Variants in MYO15B observed in about 807,000 individuals in gnomAD.
MYO15B encodes myosin XVB pseudogene.
In MYO15B, 207 loss-of-function variants were observed where a neutral mutation model predicts 119.3. The ratio of observed to expected loss-of-function variants is 1.73; its 90% CI spans 1.55 to 1.95. The LOEUF (loss-of-function observed/expected upper bound fraction) is 1.95. Ranked by LOEUF, MYO15B falls within the 30% of genes most tolerant of loss-of-function variation. The pLI is 0.00. For missense variants in MYO15B, 2,264 were observed against 1,203.1 expected, an observed-to-expected ratio of 1.88 and a Z score of -13.04; for synonymous variants, 966 against 498.9, an observed-to-expected ratio of 1.94 and a Z score of -12.48.
In MYO15B at chr17:75,589,688, C is replaced by T; in HGVS notation, c.1631C>T (p.Ala544Val). The T allele has an allele frequency of 5.0e-6, 2 of 398,808 alleles. No individual in the cohort carries two copies. The highest frequency in any genetic ancestry group is 8.8e-6 in the Non-Finnish European group (2 of 226,020). The allele number at this position is 398,808 out of a possible 1,614,324, so 24.7% of individuals were successfully genotyped here. The stretch of plus-strand genomic sequence containing the variant: ...GACGAGACTCCAGATCCCAAGTTCG[C>T]GGTCGTGTTCCCCAGGATCCACAGG... The change falls in exon 1 of 64, where the codon GCG (alanine) becomes GTG (valine). Residue 544 changes from alanine to valine, a missense_variant. Physicochemically the swap from Ala to Val is moderately conservative, Grantham distance 64. Transcript: ENST00000645453. The surrounding 1 kb of genome is among the most constrained non-coding windows in gnomAD (Gnocchi z 4.2).
Position 75,609,734 on chromosome 17 carries a change from CTTG to C in MYO15B, c.4293-431_4293-429del, listed in dbSNP as rs2057896167. On this transcript the variant is annotated intron_variant, in intron 21 of 63. Transcript: ENST00000645453. ...TCCCTCCCTCCCTTCCTGATGGAGT[CTTG>C]GTCTGTCACCCAGGCTGGAGTGCAA... Among the ~76,000 whole-genome samples the C allele has an allele frequency of 3.0e-5, 4 of 132,292 alleles. No homozygotes were observed. In the South Asian group the frequency reaches 1.1e-3, roughly 37 times the overall value. 86.8% of individuals were successfully genotyped at this position (132,292 alleles called of 152,430 possible).
At chr17:75,588,852 C>T (rs2056225870) in exon 1 of MYO15B, 1 of 398,356 alleles carries the variant, frequency 2.5e-6, no homozygotes, top group Admixed American at 4.4e-5. Context: ...TCGAGGACAG[C>T]TCGCGGGCTC....
At chr17:75,604,542 A>G (rs1341867163) in intron 19 of MYO15B, among the ~76,000 whole-genome samples, 3 of 90,248 alleles carry the variant, frequency 3.3e-5, no homozygotes, top group Admixed American at 1.3e-4. Context: ...TCCCTTCCAC[A>G]CCCCTCCCTC....
At chr17:75,607,177 G>T in intron 21 of MYO15B, 1 of 384,618 alleles carries the variant, frequency 2.6e-6, no homozygotes, top group Non-Finnish European at 4.6e-6. Flanking sequence ...TTTCCAACAC[G>T]TTTTCATCCC....
At chr17:75,588,510 G>A in exon 1 of MYO15B, 2 of 398,554 alleles carry the variant, frequency 5.0e-6, no homozygotes, top group East Asian at 7.1e-5. Flanking sequence ...GGGACACGTC[G>A]GGTGGGGACG....
chr17:75,605,436 TAAAAA>T, intron 19 of MYO15B, 63 bp from the exon 20 acceptor site: 1 of 557,510 alleles, frequency 1.8e-6, no homozygotes. Context: ...GACTCCGTCT[TAAAAA>T]AAAAAAAAAA....
exon 25 of MYO15B, chr17:75,611,972 A>G: frequency 1.4e-6 from 1 of 702,874 alleles, no homozygotes; most frequent in Non-Finnish European, 2.6e-6. Flanking sequence ...CCCAGCAGAC[A>G]TTGACCTGTT....
At chr17:75,623,655 G>A (rs752270712) in intron 53 of MYO15B, 126 bp from the exon 54 acceptor site, 30 of 645,226 alleles carry the variant, frequency 4.6e-5, no homozygotes, top group African/African-American at 9.0e-5. Flanking sequence ...GTGCAGTGAT[G>A]TCTTAAGCTG....
chr17:75,620,789 C>G, intron 49 of MYO15B, 153 bp downstream of exon 49: 1 of 701,662 alleles, frequency 1.4e-6, no homozygotes, highest in South Asian at 1.5e-5. Flanking sequence ...GATGGCTCGC[C>G]TTGTCTCTCC....
At chr17:75,615,705 A>T in exon 36 of MYO15B, 1 of 685,532 alleles carries the variant, frequency 1.5e-6, no homozygotes, top group Non-Finnish European at 2.7e-6. Context: ...CCAGCAGATG[A>T]CAGCCCAGGC....
intron 23 of MYO15B, 119 bp from the exon 24 acceptor site, chr17:75,611,482 A>AG (rs890597597): frequency 2.6e-5 from 16 of 625,464 alleles, no homozygotes; most frequent in Middle Eastern, 5.4e-4. Flanking sequence ...AAAAAAAAAA[A>AG]AAAAAAATCC....
chr17:75,601,468 C>T, exon 15 of MYO15B: 1 of 703,122 alleles, frequency 1.4e-6, no homozygotes. Context: ...CCAGAAGAGC[C>T]ACTATCACCA....
At position 75,589,235 on chromosome 17, in the gene MYO15B, G is replaced by A. The variant is rs2056263404; in HGVS notation, c.1178G>A (p.Gly393Asp). 2.5e-6 allele frequency: 1 copy of A among 401,866 alleles called. No individual in the cohort carries two copies. Among genetic ancestry groups the A allele is most frequent in the Non-Finnish European group, 4.4e-6 (1 of 229,096 alleles). 24.9% of individuals were successfully genotyped at this position (401,866 alleles called of 1,614,324 possible). Reference sequence around the variant, plus strand: ...CGGCTGCGGCGGCGGCCGCCAGAGGGCGAGGGGCAGGGTACCGGGCCACGG... The same window carrying A: ...CGGCTGCGGCGGCGGCCGCCAGAGGACGAGGGGCAGGGTACCGGGCCACGG... Residue 393 changes from glycine to aspartate, a missense_variant, in exon 1 of 64, where the codon GGC (glycine) becomes GAC (aspartate). Gly to Asp is a moderately conservative substitution (Grantham distance 94). Coordinates refer to ENST00000645453, the Ensembl canonical transcript of MYO15B. This position sits in a 1 kb window ranked among gnomAD's most constrained non-coding sequence, Gnocchi z 4.2.
At chr17:75,588,300 G>T (rs1043383914) in exon 1 of MYO15B, 13 of 398,250 alleles carry the variant, frequency 3.3e-5, no homozygotes, top group Non-Finnish European at 5.8e-5. Context: ...GACGCCCAGG[G>T]GCTGGGCTGT....
chr17:75,602,525 G>C (rs768549725), exon 16 of MYO15B: 18 of 702,100 alleles, frequency 2.6e-5, no homozygotes, highest in South Asian at 2.5e-4. Flanking sequence ...AGGTTCACAA[G>C]TTTTTAAACA....
chr17:75,617,039 C>T (rs2058417190), intron 40 of MYO15B, 46 bp from the exon 41 acceptor site: 1 of 693,292 alleles, frequency 1.4e-6, no homozygotes, highest in Non-Finnish European at 2.6e-6. Flanking sequence ...GCGAACTTGG[C>T]CTTGTGCTGT....
chr17:75,603,281 G>C (rs200904002), exon 19 of MYO15B: 4 of 703,086 alleles, frequency 5.7e-6, no homozygotes, highest in Non-Finnish European at 1.0e-5. Flanking sequence ...CAACTTCCCC[G>C]TGCGTGTGCC....
rs1453240068 is a variant in MYO15B, at chr17:75,615,486, G to A, written c.5741-17G>A. On this transcript the variant is annotated splice_polypyrimidine_tract_variant and intron_variant, in intron 34 of 63. Transcript: ENST00000645453. ...GGCCATGGTGCCCACCACTCTGGCC[G>A]CCTGCCGCCCTCACAGCCATGGTGG... is the stretch of plus-strand genomic sequence containing the variant. 1.3e-5 allele frequency: 9 copies of A among 682,524 alleles called. No homozygotes were observed. Among genetic ancestry groups the A allele is most frequent in the Admixed American group, 2.1e-5 (1 of 48,516 alleles). The allele number at this position is 682,524 out of a possible 1,614,324, so 42.3% of individuals were successfully genotyped here. A position where few individuals can be genotyped will look rare whatever the true frequency, so the allele number is the denominator to read the frequency against.
chr17:75,614,091 C>A, intron 29 of MYO15B, 108 bp from the exon 30 acceptor site: 2 of 640,934 alleles, frequency 3.1e-6, no homozygotes. Context: ...CCAGGCGGAT[C>A]CAGGGCCACC....
Sources: allele counts gnomAD v4.1 joint callset (sites outside exome capture counted in the v4.1 genomes callset), GRCh38; gene constraint gnomAD v4.1.1; non-coding constraint Gnocchi (gnomAD v3.1); transcripts MANE v1.5; gene names NCBI Gene and HGNC (gene_info 2026-07-23, HGNC 2026-07-21).